The following PCDH10 variants were observed in gnomAD, a reference collection of about 807,000 sequenced individuals.
The protein encoded by PCDH10 is protocadherin-10.
Under a neutral mutation model 74.4 loss-of-function variants are expected in PCDH10, and 15 were observed. The ratio of observed to expected loss-of-function variants is 0.20; its 90% CI spans 0.13 to 0.31. The LOEUF (loss-of-function observed/expected upper bound fraction) is 0.31, where lower values mean the gene tolerates loss of function less well. Among genes scored for constraint, PCDH10 ranks in the 10% least tolerant of loss-of-function variants. The pLI is 1.00. For synonymous variants in PCDH10, 619 were observed against 589.8 expected (o/e 1.05, Z -0.72); for missense variants, 1,260 against 1,390.2 (o/e 0.91, Z 1.49).
chr4:133,173,481 A>G (rs1727237320), intron 4 of PCDH10, among the ~76,000 whole-genome samples: 1 of 151,960 alleles, frequency 6.6e-6, no homozygotes, highest in Admixed American at 6.6e-5. Context: ...AAGCTTTATA[A>G]ACTATATACG....
At chr4:133,156,683 A>G (rs749058463) in intron 3 of PCDH10, among the ~76,000 whole-genome samples, 1 of 152,166 alleles carries the variant, frequency 6.6e-6, no homozygotes, top group Non-Finnish European at 1.5e-5. Context: ...GTTTCTTTGG[A>G]TGCATTTTAC....
Position 133,152,573 on chromosome 4 carries a change from C to T in PCDH10, c.2433C>T (p.Gly811=), listed in dbSNP as rs1560704363. The stretch of plus-strand genomic sequence containing the variant: ...CGATAGAGGAGTCCGGGGGCTTTGG[C>T]TCCCACCACCACAACCAGAATTACT... ...QVPIEESGGF[G]SHHHNQNYCY... The change falls in exon 1 of 5, where the codon GGC becomes GGT. Residue 811 remains glycine (G), a synonymous_variant. Coordinates refer to ENST00000264360, the MANE Select transcript of PCDH10 (RefSeq NM_032961.3). 1 of 1,614,128 alleles carries T rather than the reference C, an allele frequency of 6.2e-7. No homozygotes were observed. The highest frequency in any genetic ancestry group is 2.2e-5 in the East Asian group (1 of 44,848).
chr4:133,179,452 A>G (rs1188121469), intron 4 of PCDH10, among the ~76,000 whole-genome samples: 1 of 152,088 alleles, frequency 6.6e-6, no homozygotes, highest in Non-Finnish European at 1.5e-5. Flanking sequence ...ATCATTTAAT[A>G]ATTTGTCAGC....
chr4:133,149,941 T>TA lies in PCDH10; in HGVS notation c.-191dup, dbSNP rs796925758. 5.9e-3 allele frequency: 3,592 copies of TA among 610,304 alleles called. 10 individuals carry two copies. The highest frequency in any genetic ancestry group is 0.017 in the African/African-American group (892 of 52,854). The allele number at this position is 610,304 out of a possible 1,614,324, so 37.8% of individuals were successfully genotyped here. ...CTGTCACCCTTCCTGTGCTAAGATT[T>TA]AAAAAAAAATGAGGCTGGATTGCGG... On this transcript the variant is annotated 5_prime_UTR_variant, in exon 1 of 5. It adds an upstream start codon to the 5' untranslated region. Transcript: ENST00000264360.
At chr4:133,199,289 AAATAATAATAAT>A (rs70957501), downstream of PCDH10, among the ~76,000 whole-genome samples, 305 of 136,674 alleles carry the variant, frequency 2.2e-3, 3 homozygotes, top group Middle Eastern at 0.029. Flanking sequence ...CCCTGTCTCA[AAATAATAATAAT>A]AATAATAATA....
chr4:133,201,808 A>G (rs1373055633), intron 2 of PCDH10, among the ~76,000 whole-genome samples: 3 of 143,324 alleles, frequency 2.1e-5, no homozygotes, highest in Non-Finnish European at 4.5e-5. Context: ...GTGAGCTGAG[A>G]TCATGCCATT....
chr4:133,176,314 T>C (rs1481173658), intron 4 of PCDH10, among the ~76,000 whole-genome samples: 1 of 152,118 alleles, frequency 6.6e-6, no homozygotes, highest in Non-Finnish European at 1.5e-5. Flanking sequence ...ACCTCTCTAA[T>C]TTCTTTAACC....
chr4:133,166,601 A>G (rs1727086741), intron 4 of PCDH10, among the ~76,000 whole-genome samples: 1 of 151,506 alleles, frequency 6.6e-6, no homozygotes, highest in African/African-American at 2.4e-5. Context: ...AATTTCAGAA[A>G]ACCCTACTAG....
intron 4 of PCDH10, among the ~76,000 whole-genome samples, chr4:133,170,934 C>T (rs1319192975): frequency 6.6e-6 from 1 of 151,860 alleles, no homozygotes; most frequent in African/African-American, 2.4e-5. Flanking sequence ...CCTCGGCCTC[C>T]CAAAGTGCTG....
chr4:133,167,974 T>A (rs1727121012), intron 4 of PCDH10, among the ~76,000 whole-genome samples: 2 of 151,352 alleles, frequency 1.3e-5, no homozygotes, highest in Admixed American at 1.3e-4. Flanking sequence ...TTTTATTATA[T>A]TTTATGCTAC....
chr4:133,161,375 A>G (rs1726967541), intron 3 of PCDH10, among the ~76,000 whole-genome samples: 1 of 152,110 alleles, frequency 6.6e-6, no homozygotes, highest in South Asian at 2.1e-4. Context: ...ACTCCAAAAT[A>G]CTAGAGTTAA....
Position 133,154,410 on chromosome 4 carries a change from C to G in PCDH10, c.2690+45C>G, listed in dbSNP as rs181279638. The G allele has an allele frequency of 4.8e-4, 537 of 1,120,886 alleles. No individual in the cohort carries two copies. In the African/African-American group the frequency reaches 7.5e-3, roughly 16 times the overall value. The allele number at this position is 1,120,886 out of a possible 1,614,324, so 69.4% of individuals were successfully genotyped here. On this transcript the variant is annotated intron_variant, in intron 2 of 4. Transcript: ENST00000264360. ...CTAGCAGTAATGGACAATTTACAACCTAGTAAAAGTAGGAAGTAGGTATAT... is the reference window on the plus strand; with the variant it reads ...CTAGCAGTAATGGACAATTTACAACGTAGTAAAAGTAGGAAGTAGGTATAT...
At chr4:133,165,522 G>A (rs1483030286) in intron 4 of PCDH10, among the ~76,000 whole-genome samples, 1 of 151,658 alleles carries the variant, frequency 6.6e-6, no homozygotes, top group Non-Finnish European at 1.5e-5. Context: ...AATAGAAATA[G>A]TGTCATCTTC....
chr4:133,197,303 T>G (rs943228246), downstream of PCDH10, among the ~76,000 whole-genome samples: 3 of 152,200 alleles, frequency 2.0e-5, no homozygotes, highest in African/African-American at 7.2e-5. Context: ...TTTGTTTGCA[T>G]ATGATTTTCA....
chr4:133,169,169 A>G (rs985922211), intron 4 of PCDH10, among the ~76,000 whole-genome samples: 4 of 151,766 alleles, frequency 2.6e-5, no homozygotes, highest in African/African-American at 9.7e-5. Context: ...TTTGTCTACT[A>G]GCAGCTTAAT....
At chr4:133,176,181 A>G (rs139461511) in intron 4 of PCDH10, among the ~76,000 whole-genome samples, 12 of 152,084 alleles carry the variant, frequency 7.9e-5, no homozygotes, top group Non-Finnish European at 1.5e-4. Flanking sequence ...ATAGCCTACT[A>G]TGGATTTATG....
chr4:133,151,064 C>T lies in PCDH10; in HGVS notation c.924C>T (p.Gly308=). The T allele has an allele frequency of 1.2e-6, 2 of 1,614,084 alleles. No individual in the cohort carries two copies. Among genetic ancestry groups the T allele is most frequent in the East Asian group, 2.2e-5 (1 of 44,856 alleles). ...RELFGLSPRT[G]RLEVSGELDY... ...TTTTCGGACTCTCGCCGCGCACTGG[C>T]AGACTGGAGGTAAGCGGCGAGTTGG... is the stretch of plus-strand genomic sequence containing the variant. The change falls in exon 1 of 5, where the codon GGC becomes GGT. Residue 308 remains glycine, a synonymous_variant. Coordinates refer to ENST00000264360, the MANE Select transcript of PCDH10 (RefSeq NM_032961.3).
At chr4:133,204,865 G>C (rs774111972) in intron 2 of PCDH10, among the ~76,000 whole-genome samples, 4 of 152,180 alleles carry the variant, frequency 2.6e-5, no homozygotes, top group Non-Finnish European at 5.9e-5. Flanking sequence ...TCTTCTCACA[G>C]CCTGGGAGAG....
chr4:133,196,191 C>A (rs1299451309), downstream of PCDH10, among the ~76,000 whole-genome samples: 2 of 152,118 alleles, frequency 1.3e-5, no homozygotes, highest in Non-Finnish European at 2.9e-5. Flanking sequence ...ATAGAGAAAG[C>A]TATTCATGCA....
Sources: gnomAD v4.1 joint callset for allele counts (sites outside exome capture counted in the v4.1 genomes callset) on GRCh38, gnomAD v4.1.1 for gene constraint, MANE v1.5 for transcripts, NCBI Gene and HGNC (gene_info 2026-07-23, HGNC 2026-07-21) for gene names.